Variants in TAF2 observed in about 807,000 individuals in gnomAD.
TAF2 encodes the protein TATA-box binding protein associated factor 2, also known as transcription initiation factor TFIID subunit 2.
A neutral mutation model predicts 138.5 loss-of-function variants in TAF2; 61 were observed. That is an observed-to-expected ratio of 0.44 (90% CI 0.36 to 0.54). The LOEUF (loss-of-function observed/expected upper bound fraction) is 0.54, where lower values mean the gene tolerates loss of function less well. Among genes scored for constraint, TAF2 ranks in the 20% least tolerant of loss-of-function variants. The pLI is 0.00. For synonymous variants in TAF2, 475 were observed against 469.9 expected (o/e 1.01, Z -0.14); for missense variants, 1,090 against 1,427.9 (o/e 0.76, Z 3.81).
At chr8:119,781,503 C>A (rs1822650027) in intron 16 of TAF2, among the ~76,000 whole-genome samples, 1 of 151,998 alleles carries the variant, frequency 6.6e-6, no homozygotes, top group Non-Finnish European at 1.5e-5. Flanking sequence ...CATGGTGAAA[C>A]CCCATCTATA....
Position 119,762,628 on chromosome 8 carries a change from A to C in TAF2, c.2365-20T>G. On this transcript the variant is annotated intron_variant, in intron 18 of 25. Coordinates refer to ENST00000378164, the MANE Select transcript of TAF2 (RefSeq NM_003184.4). ...TGAAAACTAGGCCAAAGAAAAATTA[A>C]GTGAAGATAACAAAATTAACTCTTC... 3 of 1,600,600 alleles carry C rather than the reference A, an allele frequency of 1.9e-6. No individual in the cohort carries two copies. The highest frequency in any genetic ancestry group is 2.6e-6 in the Non-Finnish European group (3 of 1,171,318).
At chr8:119,779,377 A>C (rs137994709) in intron 17 of TAF2, among the ~76,000 whole-genome samples, 2 of 152,264 alleles carry the variant, frequency 1.3e-5, no homozygotes, top group African/African-American at 4.8e-5. Context: ...ATAAAAATAG[A>C]AATAAAAACT....
chr8:119,747,730 T>A (rs913647411), intron 22 of TAF2, among the ~76,000 whole-genome samples: 8 of 152,334 alleles, frequency 5.3e-5, no homozygotes, highest in African/African-American at 1.9e-4. Context: ...ATTTGTCAGC[T>A]AGGGTTACAC....
At chr8:119,808,017 T>G (rs1375237173) in intron 3 of TAF2, among the ~76,000 whole-genome samples, 1 of 152,146 alleles carries the variant, frequency 6.6e-6, no homozygotes, top group Non-Finnish European at 1.5e-5. Flanking sequence ...TAAAGAAACA[T>G]TAAGGCTACA....
chr8:119,786,894 C>G (rs1823050474), intron 14 of TAF2, among the ~76,000 whole-genome samples: 1 of 152,144 alleles, frequency 6.6e-6, no homozygotes, highest in African/African-American at 2.4e-5. Context: ...GCACTCCAGA[C>G]TGGGTGACAG....
In TAF2 at chr8:119,801,933, C is replaced by G; in HGVS notation, c.653G>C (p.Gly218Ala). The change falls in exon 6 of 26, where the codon GGC (glycine) becomes GCC (alanine). Residue 218 changes from glycine (G) to alanine (A), a missense_variant. Gly to Ala is a moderately conservative substitution (Grantham distance 60, BLOSUM62 0). This residue lies in a region of TAF2 where 504 missense variants were observed against 680.9 expected (regional missense o/e 0.74). Transcript: ENST00000378164. ...AGTATACACTGTCTCCACCAAATCG[C>G]CATTAGAAACAGCAACCATTGCAGC... ...VDAAMVAVSN[G>A]DLVETVYTHD... is the part of the protein sequence containing the mutation. 1 of 1,614,130 alleles carries G rather than the reference C, an allele frequency of 6.2e-7. No individual in the cohort carries two copies. The highest frequency in any genetic ancestry group is 8.5e-7 in the Non-Finnish European group (1 of 1,180,026).
intron 2 of TAF2, among the ~76,000 whole-genome samples, chr8:119,823,963 C>T (rs1283295668): frequency 6.6e-6 from 1 of 152,106 alleles, no homozygotes; most frequent in Non-Finnish European, 1.5e-5. Flanking sequence ...TTGCCCCTGC[C>T]CTAGAGATTT....
At chr8:119,781,242 A>G in intron 16 of TAF2, 49 bp from the exon 17 acceptor site, 1 of 1,607,484 alleles carries the variant, frequency 6.2e-7, no homozygotes, top group African/African-American at 1.3e-5. Context: ...ATGCAAACAT[A>G]CTTTAAAATA....
chr8:119,755,859 C>A, intron 22 of TAF2, 147 bp downstream of exon 22: 1 of 641,954 alleles, frequency 1.6e-6, no homozygotes, highest in Non-Finnish European at 2.7e-6. Context: ...TCACAGCCAC[C>A]ACTGTGAAGG....
At chr8:119,792,736 A>C (rs933873693) in intron 10 of TAF2, among the ~76,000 whole-genome samples, 1 of 152,108 alleles carries the variant, frequency 6.6e-6, no homozygotes, top group East Asian at 1.9e-4. Flanking sequence ...GCCCTCATAG[A>C]AAGGCTCCAG....
intron 5 of TAF2, among the ~76,000 whole-genome samples, chr8:119,802,459 G>A (rs890168924): frequency 7.2e-5 from 11 of 152,138 alleles, no homozygotes; most frequent in Admixed American, 2.6e-4. Context: ...AGTATGTAAC[G>A]TATTGTATAA....
chr8:119,742,456 A>G (rs1018964919), intron 25 of TAF2, 78 bp downstream of exon 25: 2 of 1,555,094 alleles, frequency 1.3e-6, no homozygotes, highest in African/African-American at 1.4e-5. Context: ...GGTTTTTTAA[A>G]GTTGATGAAG....
At chr8:119,767,770 C>T (rs1471310579) in intron 18 of TAF2, among the ~76,000 whole-genome samples, 1 of 152,236 alleles carries the variant, frequency 6.6e-6, no homozygotes, top group East Asian at 1.9e-4. Flanking sequence ...GAACAGGTCC[C>T]TGCTTCTTCA....
chr8:119,765,253 G>C (rs1821340462), intron 18 of TAF2, among the ~76,000 whole-genome samples: 1 of 152,096 alleles, frequency 6.6e-6, no homozygotes, highest in Admixed American at 6.6e-5. Context: ...ACAGAGATAA[G>C]ATGACTTCTT....
intron 3 of TAF2, among the ~76,000 whole-genome samples, chr8:119,814,165 G>T (rs1825287796): frequency 6.6e-6 from 1 of 151,766 alleles, no homozygotes; most frequent in Non-Finnish European, 1.5e-5. Flanking sequence ...CATATTATGA[G>T]CCCTGCCGAA....
At chr8:119,769,233 C>T (rs1427543785) in intron 18 of TAF2, among the ~76,000 whole-genome samples, 3 of 152,162 alleles carry the variant, frequency 2.0e-5, no homozygotes, top group Admixed American at 2.0e-4. Flanking sequence ...AACAGAAATA[C>T]ACAGGGCTAT....
At chr8:119,815,849 A>T (rs1305720330) in intron 3 of TAF2, among the ~76,000 whole-genome samples, 3 of 152,314 alleles carry the variant, frequency 2.0e-5, no homozygotes, top group Non-Finnish European at 4.4e-5. Flanking sequence ...TTTATTGACA[A>T]ATAGTAAAGC....
In TAF2 at chr8:119,785,245, T is replaced by C; in HGVS notation, c.1815A>G (p.Pro605=). Residue 605 remains proline (P), a synonymous_variant, in exon 15 of 26, where the codon CCA becomes CCG. Coordinates refer to ENST00000378164, the MANE Select transcript of TAF2 (RefSeq NM_003184.4). ...TATCAACTTCTTCTCCATTCATCAG[T>C]GGGATTTTTTTCTTTTTATTCCTAC... ...KSRRNKKKKI[P]LMNGEEVDMD... is the part of the protein sequence containing the mutation. 6.2e-7 allele frequency: 1 copy of C among 1,612,810 alleles called. No individual in the cohort carries two copies. Among genetic ancestry groups the C allele is most frequent in the Non-Finnish European group, 8.5e-7 (1 of 1,179,236 alleles).
chr8:119,769,102 T>C (rs1033124892), intron 18 of TAF2, among the ~76,000 whole-genome samples: 2 of 152,002 alleles, frequency 1.3e-5, no homozygotes, highest in Admixed American at 1.3e-4. Context: ...CAAAAAAGAG[T>C]ACCACACAGT....
Sources: allele counts gnomAD v4.1 joint callset (sites outside exome capture counted in the v4.1 genomes callset), GRCh38; gene constraint gnomAD v4.1.1; regional missense constraint gnomAD v4.1.1; transcripts MANE v1.5; gene names NCBI Gene and HGNC (gene_info 2026-07-23, HGNC 2026-07-21).